BTD: variants seen among roughly 807,000 people sequenced by gnomAD.
BTD encodes the protein biotinidase.
BTD carries 13 observed loss-of-function variants against 17.7 expected under a neutral mutation model. That is an observed-to-expected ratio of 0.74 (90% CI 0.48 to 1.17). The LOEUF is 1.17. BTD is among the 50% of genes most tolerant of loss of function. The pLI, the probability that BTD is intolerant of heterozygous loss-of-function variation, is 0.00. For synonymous variants in BTD, 240 were observed against 245.2 expected, an observed-to-expected ratio of 0.98 and a Z score of 0.20; for missense variants, 674 against 650.4, an observed-to-expected ratio of 1.04 and a Z score of -0.39.
downstream of BTD, among the ~76,000 whole-genome samples, chr3:15,654,039 C>T (rs1043610755): frequency 3.9e-5 from 6 of 152,182 alleles, no homozygotes; most frequent in African/African-American, 1.2e-4. Context: ...TTACCTTTAG[C>T]GAGAGCTTAT....
At position 15,670,407 on chromosome 3, in the gene BTD, T is replaced by C. The variant is rs772288422; in HGVS notation, c.399+28350T>C. 9.3e-6 allele frequency: 15 copies of C among 1,613,866 alleles called. No individual in the cohort carries two copies. The South Asian group carries it at 1.6e-4, about 18-fold the overall frequency. ...ATGGGCAAAGCTTCAAAGCTGACTG[T>C]TTTTGAGGTGTTGGTATAACGGTTA... On this transcript the variant is annotated intron_variant, in intron 3 of 3. Transcript: ENST00000672141.
chr3:15,673,642 A>G lies in BTD; in HGVS notation c.399+31585A>G, dbSNP rs79136839. 9.4e-3 allele frequency among the ~76,000 whole-genome samples: 1,425 copies of G among 152,330 alleles called. 12 individuals are homozygous for G. Among genetic ancestry groups the G allele is most frequent in the East Asian group, 0.048 (247 of 5,186 alleles). ...GGTATCTAGCAAGTTGTAGTAAAGAATAGTTAGAATATGCTTCATTGAGAA... is the reference window on the plus strand; with the variant it reads ...GGTATCTAGCAAGTTGTAGTAAAGAGTAGTTAGAATATGCTTCATTGAGAA... On this transcript the variant is annotated intron_variant, in intron 3 of 3. Transcript: ENST00000672141.
chr3:15,654,864 A>G (rs2065856151), downstream of BTD, among the ~76,000 whole-genome samples: 1 of 152,082 alleles, frequency 6.6e-6, no homozygotes, highest in Non-Finnish European at 1.5e-5. Context: ...CCTCCCATGT[A>G]GCTGGGATTA....
At chr3:15,698,255 T>C (rs1296601966) in intron 3 of BTD, among the ~76,000 whole-genome samples, 1 of 152,178 alleles carries the variant, frequency 6.6e-6, no homozygotes, top group Non-Finnish European at 1.5e-5. Context: ...TAGTAAGGGC[T>C]AGTTATGACA....
chr3:15,706,360 G>A (rs1307662141), intron 3 of BTD, among the ~76,000 whole-genome samples: 3 of 68,390 alleles, frequency 4.4e-5, no homozygotes, highest in Non-Finnish European at 8.5e-5. Context: ...TTGTCCTTGC[G>A]ATAGTTTGCT....
At chr3:15,669,688 A>C (rs1273725195) in intron 3 of BTD, 1 of 152,604 alleles carries the variant, frequency 6.6e-6, no homozygotes, top group Non-Finnish European at 1.5e-5. Context: ...AAAAAAAACA[A>C]AACCCAAAAA....
intron 1 of BTD, among the ~76,000 whole-genome samples, chr3:15,609,930 T>C (rs576057453): frequency 2.0e-4 from 31 of 152,048 alleles, no homozygotes; most frequent in Non-Finnish European, 4.0e-4. Context: ...TAAAGAAAAC[T>C]TTTTGTAACC....
downstream of BTD, chr3:15,714,547 A>AC (rs1553604438): frequency 3.7e-5 from 54 of 1,463,648 alleles, no homozygotes; most frequent in African/African-American, 3.9e-4. Flanking sequence ...AAAAAAAAAA[A>AC]CCCCAAAAAA....
chr3:15,679,425 G>A (rs1256380768), intron 3 of BTD: 1 of 1,612,398 alleles, frequency 6.2e-7, no homozygotes, highest in Non-Finnish European at 8.5e-7. Context: ...CAGCAATGGT[G>A]TATTTCTTAA....
exon 4 of BTD, among the ~76,000 whole-genome samples, chr3:15,712,578 A>T (rs1019323330): frequency 2.0e-5 from 3 of 152,196 alleles, no homozygotes; most frequent in Non-Finnish European, 2.9e-5. Flanking sequence ...ACAACCAAAA[A>T]TGTATCTGGA....
chr3:15,719,847 G>A (rs2073505822), intron 4 of BTD, among the ~76,000 whole-genome samples: 1 of 151,956 alleles, frequency 6.6e-6, no homozygotes, highest in Non-Finnish European at 1.5e-5. Flanking sequence ...GAGCCAGACT[G>A]TATCCGGCCA....
intron 3 of BTD, among the ~76,000 whole-genome samples, chr3:15,665,786 C>T (rs2065976125): frequency 6.6e-6 from 1 of 152,224 alleles, no homozygotes; most frequent in Non-Finnish European, 1.5e-5. Flanking sequence ...TGTGGTTGGG[C>T]TTGCCTTCTT....
exon 4 of BTD, chr3:15,711,233 G>A: frequency 6.2e-7 from 1 of 1,612,712 alleles, no homozygotes; most frequent in Non-Finnish European, 8.5e-7. Flanking sequence ...GCTGCATGTA[G>A]ACAAGTCCTG....
At chr3:15,662,906 A>G (rs2065939848) in intron 3 of BTD, among the ~76,000 whole-genome samples, 2 of 129,724 alleles carry the variant, frequency 1.5e-5, no homozygotes, top group South Asian at 2.4e-4. Context: ...GGAAGTTCCC[A>G]TTTTCCTAGT....
exon 4 of BTD, chr3:15,711,142 C>A (rs2072216531): frequency 7.6e-7 from 1 of 1,317,070 alleles, no homozygotes; most frequent in Non-Finnish European, 1.1e-6. Flanking sequence ...TAAAAAAGAA[C>A]AAAGATAAGA....
chr3:15,603,502 A>C (rs182411079), intron 1 of BTD, among the ~76,000 whole-genome samples: 3 of 152,092 alleles, frequency 2.0e-5, no homozygotes, highest in African/African-American at 7.2e-5. Flanking sequence ...CTAAAAATAC[A>C]AAAAATTAGG....
chr3:15,623,016 TGAG>T (rs1237411807), intron 1 of BTD, among the ~76,000 whole-genome samples: 1 of 152,158 alleles, frequency 6.6e-6, no homozygotes, highest in African/African-American at 2.4e-5. Context: ...AGAAGGCAAA[TGAG>T]GAGCAAAGGC....
upstream of BTD, chr3:15,601,539 G>T (rs779132749): frequency 2.5e-5 from 40 of 1,605,588 alleles, no homozygotes; most frequent in Non-Finnish European, 3.2e-5. Context: ...ACGCGAAATC[G>T]GCAGCACGCC....
At chr3:15,688,167 A>G (rs1417114324) in intron 3 of BTD, among the ~76,000 whole-genome samples, 1 of 152,244 alleles carries the variant, frequency 6.6e-6, no homozygotes, top group Non-Finnish European at 1.5e-5. Flanking sequence ...TTGAGAGTGC[A>G]ACCACTCCAT....
Sources: allele counts gnomAD v4.1 joint callset (sites outside exome capture counted in the v4.1 genomes callset), GRCh38; gene constraint gnomAD v4.1.1; transcripts MANE v1.5; gene names NCBI Gene and HGNC (gene_info 2026-07-23, HGNC 2026-07-21).